The following DNAJC24 variants were observed in gnomAD, a reference collection of about 807,000 sequenced individuals.
The protein encoded by DNAJC24 is DnaJ heat shock protein family (Hsp40) member C24.
Under a neutral mutation model 18.0 loss-of-function variants are expected in DNAJC24, and 17 were observed. The ratio of observed to expected loss-of-function variants is 0.94; its 90% CI spans 0.65 to 1.42. The LOEUF is 1.42. Among genes scored for constraint, DNAJC24 ranks in the 40% most tolerant of loss-of-function variants. DNAJC24 has a pLI of 0.00. For synonymous variants in DNAJC24, 55 were observed against 57.7 expected, an observed-to-expected ratio of 0.95 and a Z score of 0.21; for missense variants, 158 against 175.6, an observed-to-expected ratio of 0.90 and a Z score of 0.57.
rs1013416080 is a variant in DNAJC24 at position 31,370,524 on chromosome 11, T to C, written c.-33-192T>C. Reference sequence around the variant, plus strand: ...TATATATCGTGAAATACCTAACACGTTTTCCATACTTGTCGGTACACTTAT... The same window carrying C: ...TATATATCGTGAAATACCTAACACGCTTTCCATACTTGTCGGTACACTTAT... On this transcript the variant is annotated intron_variant, in intron 1 of 4. Transcript: ENST00000465995. 2.0e-5 allele frequency among the ~76,000 whole-genome samples: 3 copies of C among 152,218 alleles called. No individual in the cohort carries two copies. In the East Asian group the frequency reaches 5.8e-4, roughly 29 times the overall value.
At position 31,414,947 on chromosome 11, in the gene DNAJC24, G is replaced by A. The variant is rs1952740010; in HGVS notation, c.248G>A (p.Cys83Tyr). 1.2e-6 allele frequency: 2 copies of A among 1,612,864 alleles called. No homozygotes were observed. The highest frequency in any genetic ancestry group is 1.7e-6 in the Non-Finnish European group (2 of 1,179,630). Reference protein sequence around the residue: ...ETKREYDLQRCEDDLRNVGPV... With the variant: ...ETKREYDLQRYEDDLRNVGPV... ...AAAAGAGAGTATGACCTGCAGCGGT[G>A]TGGTAGGTGCTTGTGTTGAGGAGCC... is the stretch of plus-strand genomic sequence containing the variant. The change falls in exon 3 of 5, where the codon TGT becomes TAT. Residue 83 changes from cysteine to tyrosine, a missense_variant and splice_region_variant. Transcript: ENST00000465995.
At chr11:31,415,887 T>G (rs1255131813) in intron 3 of DNAJC24, 4 of 152,134 alleles carry the variant, frequency 2.6e-5, no homozygotes, top group Non-Finnish European at 4.4e-5. Flanking sequence ...GTTATGAAAA[T>G]TTGATTTGAG....
chr11:31,430,556 AGAAT>A lies in DNAJC24; in HGVS notation c.*160_*163del, dbSNP rs1952912146. The A allele has an allele frequency of 2.6e-6, 1 of 385,000 alleles. No individual in the cohort carries two copies. Among genetic ancestry groups the A allele is most frequent in the African/African-American group, 2.1e-5 (1 of 48,156 alleles). The allele number at this position is 385,000 out of a possible 1,614,324, so 23.8% of individuals were successfully genotyped here. The stretch of plus-strand genomic sequence containing the variant: ...AGCAGAGACCACCTCAGATTAATAG[AGAAT>A]GAATATAATTATTTATTTGTATTTA... On this transcript the variant is annotated 3_prime_UTR_variant, in exon 5 of 5. Transcript: ENST00000465995.
chr11:31,386,201 G>A (rs570235862), intron 2 of DNAJC24, among the ~76,000 whole-genome samples: 19 of 152,118 alleles, frequency 1.2e-4, no homozygotes, highest in African/African-American at 3.4e-4. Context: ...TCCTGGACAC[G>A]TGTTATGCTG....
chr11:31,415,622 A>C (rs1001789808), intron 3 of DNAJC24: 1 of 152,264 alleles, frequency 6.6e-6, no homozygotes, highest in African/African-American at 2.4e-5. Flanking sequence ...GCACTGGCCT[A>C]GGGACAGGAG....
chr11:31,419,870 G>A (rs773048173), intron 3 of DNAJC24, among the ~76,000 whole-genome samples: 11 of 150,180 alleles, frequency 7.3e-5, no homozygotes, highest in Non-Finnish European at 1.3e-4. Flanking sequence ...TGTTTCCCCT[G>A]TGTGAGCTTT....
chr11:31,382,311 C>T (rs1251472550), intron 2 of DNAJC24, among the ~76,000 whole-genome samples: 1 of 152,052 alleles, frequency 6.6e-6, no homozygotes, highest in African/African-American at 2.4e-5. Flanking sequence ...TCCTTATCTG[C>T]AAAAATCAAC....
chr11:31,419,022 A>T (rs1359907760), intron 3 of DNAJC24, among the ~76,000 whole-genome samples: 1 of 152,100 alleles, frequency 6.6e-6, no homozygotes, highest in Non-Finnish European at 1.5e-5. Context: ...AAGAATGGTA[A>T]TGTTATAGAA....
chr11:31,395,174 C>T (rs1952533009), intron 2 of DNAJC24, among the ~76,000 whole-genome samples: 1 of 152,148 alleles, frequency 6.6e-6, no homozygotes, highest in African/African-American at 2.4e-5. Context: ...AGGAGAGTGA[C>T]CTCCATCTCC....
At position 31,432,300 on chromosome 11, in the gene DNAJC24, T is replaced by C. The variant is rs1952934762; in HGVS notation, c.*1899T>C. ...TTTTGTATCATAAAATTTAGATGACTTTTTTGGGTTACATTTTTATCCATA... is the reference window on the plus strand; with the variant it reads ...TTTTGTATCATAAAATTTAGATGACCTTTTTGGGTTACATTTTTATCCATA... On this transcript the variant is annotated 3_prime_UTR_variant, in exon 5 of 5. Coordinates refer to ENST00000465995, the MANE Select transcript of DNAJC24 (RefSeq NM_181706.5). 2.1e-6 allele frequency: 1 copy of C among 483,832 alleles called. No individual in the cohort carries two copies. The highest frequency in any genetic ancestry group is 3.8e-5 in the Admixed American group (1 of 26,486). 30.0% of individuals were successfully genotyped at this position (483,832 alleles called of 1,614,324 possible).
At chr11:31,389,887 A>C (rs540932939) in intron 2 of DNAJC24, among the ~76,000 whole-genome samples, 6 of 152,372 alleles carry the variant, frequency 3.9e-5, no homozygotes, top group Non-Finnish European at 8.8e-5. Flanking sequence ...CATGGAAATT[A>C]AACAACATAC....
At chr11:31,388,017 TAAAG>T (rs1952447245) in intron 2 of DNAJC24, among the ~76,000 whole-genome samples, 1 of 151,184 alleles carries the variant, frequency 6.6e-6, no homozygotes, top group Non-Finnish European at 1.5e-5. Context: ...TCAAGCAGAA[TAAAG>T]AATTAGTGAG....
chr11:31,427,492 G>A (rs996394023), intron 4 of DNAJC24: 3 of 151,778 alleles, frequency 2.0e-5, no homozygotes, highest in Admixed American at 2.0e-4. Context: ...GCTGGTGTGT[G>A]GAAGGGACAC....
intron 2 of DNAJC24, chr11:31,396,407 C>T (rs2133482125): frequency 5.3e-6 from 2 of 376,586 alleles, no homozygotes; most frequent in Non-Finnish European, 1.0e-5. Flanking sequence ...CGGTTAGCCC[C>T]TCAATTATAT....
At chr11:31,428,056 A>T (rs1273497628) in intron 4 of DNAJC24, 1 of 151,598 alleles carries the variant, frequency 6.6e-6, no homozygotes, top group Admixed American at 6.6e-5. Context: ...TATTTTTAAA[A>T]AGAAAAGGAA....
chr11:31,413,532 CTG>C (rs1275092464), intron 2 of DNAJC24, among the ~76,000 whole-genome samples: 1 of 151,944 alleles, frequency 6.6e-6, no homozygotes, highest in Non-Finnish European at 1.5e-5. Context: ...CAGGGTTTCA[CTG>C]TGTTAGCCAG....
In DNAJC24 at chr11:31,414,416, G is replaced by A. The variant is rs184359524; in HGVS notation, c.112-395G>A. The stretch of plus-strand genomic sequence containing the variant: ...CATTTTATAATGCTGTCTATAGGTA[G>A]GCACATTGTGTAAGGAAAGCTTCAT... On this transcript the variant is annotated intron_variant, in intron 2 of 4. Transcript: ENST00000465995. 1.5e-4 allele frequency among the ~76,000 whole-genome samples: 23 copies of A among 152,278 alleles called. No homozygotes were observed. The East Asian group carries it at 4.3e-3, about 28-fold the overall frequency.
intron 3 of DNAJC24, among the ~76,000 whole-genome samples, chr11:31,423,810 T>C (rs1308669388): frequency 2.0e-5 from 3 of 152,186 alleles, no homozygotes; most frequent in Admixed American, 1.3e-4. Flanking sequence ...TGTTTTAATA[T>C]AATCCTTGTA....
intron 3 of DNAJC24, among the ~76,000 whole-genome samples, chr11:31,419,282 G>C (rs1034154322): frequency 2.0e-5 from 3 of 151,832 alleles, no homozygotes; most frequent in Non-Finnish European, 4.4e-5. Flanking sequence ...GTTTTTTTTG[G>C]TGACCGTTTC....
Sources: allele counts gnomAD v4.1 joint callset (sites outside exome capture counted in the v4.1 genomes callset), GRCh38; gene constraint gnomAD v4.1.1; transcripts MANE v1.5; gene names NCBI Gene and HGNC (gene_info 2026-07-23, HGNC 2026-07-21).